DNM3: variants seen among roughly 807,000 people sequenced by gnomAD.
DNM3 encodes dynamin-3.
Under a neutral mutation model 101.6 loss-of-function variants are expected in DNM3, and 47 were observed. The observed-to-expected ratio is 0.46, with a 90% confidence interval of 0.37 to 0.59. DNM3 has a LOEUF of 0.59. DNM3 is among the 20% of genes least tolerant of loss of function. The pLI is 0.00. For synonymous variants in DNM3, 385 were observed against 387.9 expected (o/e 0.99, Z 0.09); for missense variants, 849 against 1,085.7 (o/e 0.78, Z 3.06).
chr1:171,890,974 A>G (rs983810258), intron 1 of DNM3, among the ~76,000 whole-genome samples: 1 of 152,216 alleles, frequency 6.6e-6, no homozygotes, highest in Non-Finnish European at 1.5e-5. Flanking sequence ...CAACTGGGAC[A>G]TAGTTTCTAA....
rs141335080 is a variant in DNM3, at chr1:172,294,214, G to T, written c.1770-14514G>T. Among the ~76,000 whole-genome samples the T allele has an allele frequency of 2.9e-3, 445 of 152,280 alleles. 5 individuals carry two copies. The highest frequency in any genetic ancestry group is 9.9e-3 in the African/African-American group (410 of 41,558). The stretch of plus-strand genomic sequence containing the variant: ...CCAACAATAAACTTTCATGCTTGGA[G>T]AATATATTTCTTTTAAATGTGTCCC... On this transcript the variant is annotated intron_variant, in intron 15 of 20. Transcript: ENST00000627582.
intron 14 of DNM3, among the ~76,000 whole-genome samples, chr1:172,225,064 A>G (rs977422826): frequency 3.3e-5 from 5 of 151,302 alleles, no homozygotes; most frequent in African/African-American, 7.3e-5. Context: ...CTGCCATGCA[A>G]TGCAGTATTC....
intron 20 of DNM3, among the ~76,000 whole-genome samples, chr1:172,392,177 G>A (rs1237569668): frequency 6.6e-6 from 1 of 152,178 alleles, no homozygotes; most frequent in East Asian, 1.9e-4. Flanking sequence ...GAGCCTTTCA[G>A]TTAGGGAGCT....
chr1:172,102,943 G>A (rs1267792467), intron 13 of DNM3, among the ~76,000 whole-genome samples: 1 of 152,008 alleles, frequency 6.6e-6, no homozygotes, highest in African/African-American at 2.4e-5. Flanking sequence ...CCACTGTATA[G>A]CTTATTTAGC....
intron 1 of DNM3, among the ~76,000 whole-genome samples, chr1:171,874,850 T>C (rs2035615392): frequency 6.6e-6 from 1 of 151,244 alleles, no homozygotes; most frequent in African/African-American, 2.4e-5. Context: ...TAGCCCCCAG[T>C]GGCTATTGTC....
chr1:171,909,183 G>A (rs1489723587), intron 1 of DNM3, among the ~76,000 whole-genome samples: 1 of 152,190 alleles, frequency 6.6e-6, no homozygotes, highest in Non-Finnish European at 1.5e-5. Flanking sequence ...GCTCACGCCT[G>A]TAATGTCAGC....
intron 1 of DNM3, among the ~76,000 whole-genome samples, chr1:171,877,524 G>A (rs2035891311): frequency 1.3e-5 from 2 of 152,052 alleles, no homozygotes; most frequent in Admixed American, 6.5e-5. Flanking sequence ...GTTTCACTTC[G>A]GCCTCCTTTC....
chr1:171,935,897 C>T (rs1034367685), intron 2 of DNM3, among the ~76,000 whole-genome samples: 2 of 141,310 alleles, frequency 1.4e-5, no homozygotes, highest in East Asian at 2.3e-4. Flanking sequence ...ATGTGTCAAA[C>T]TGAGAAAGCA....
chr1:171,993,365 A>G (rs2045765128), intron 4 of DNM3, among the ~76,000 whole-genome samples: 1 of 151,984 alleles, frequency 6.6e-6, no homozygotes, highest in South Asian at 2.1e-4. Context: ...ATTTTTACTT[A>G]AAGTTTTTTT....
At chr1:171,857,016 A>G (rs1487049221) in intron 1 of DNM3, among the ~76,000 whole-genome samples, 1 of 152,214 alleles carries the variant, frequency 6.6e-6, no homozygotes, top group Non-Finnish European at 1.5e-5. Context: ...TTTAGGGAAC[A>G]GAGAATTTTC....
rs1231952125 is a variant in DNM3, at chr1:171,845,547, CTG to C, written c.161+3732_161+3733del. ...CCGGCATGGCTGATAGAGCAAGACT[CTG>C]TCTCAAATAATAATAATAAACAAGA... On this transcript the variant is annotated intron_variant, in intron 1 of 20. Transcript: ENST00000627582. Among the ~76,000 whole-genome samples, 20 of 152,254 alleles carry C rather than the reference CTG, an allele frequency of 1.3e-4. No individual in the cohort carries two copies. In the East Asian group the frequency reaches 3.5e-3, roughly 26 times the overall value.
In DNM3 at chr1:172,057,865, G is replaced by A. The variant is rs1253893721; in HGVS notation, c.1335+9115G>A. ...AAAAATATTAACTTTAAATGTAAAT[G>A]GACTAAATGCTCCAATTAAAAGACA... On this transcript the variant is annotated intron_variant, in intron 10 of 20. Coordinates refer to ENST00000627582, the MANE Select transcript of DNM3 (RefSeq NM_015569.5). Among the ~76,000 whole-genome samples, 6 of 141,472 alleles carry A rather than the reference G, an allele frequency of 4.2e-5. No homozygotes were observed. In the East Asian group the frequency reaches 1.4e-3, roughly 33 times the overall value. The allele number at this position is 141,472 out of a possible 152,430, so 92.8% of individuals were successfully genotyped here.
chr1:172,318,264 A>AC (rs1221353911), intron 16 of DNM3, among the ~76,000 whole-genome samples: 1 of 152,052 alleles, frequency 6.6e-6, no homozygotes, highest in East Asian at 1.9e-4. Flanking sequence ...TCTATGACAA[A>AC]CCCACAGCCA....
At chr1:172,174,072 G>A (rs1253270676) in intron 14 of DNM3, among the ~76,000 whole-genome samples, 3 of 151,636 alleles carry the variant, frequency 2.0e-5, no homozygotes, top group African/African-American at 7.3e-5. Flanking sequence ...TGTCATAATA[G>A]TATGTTAATA....
chr1:171,863,499 A>G (rs957038062), intron 1 of DNM3, among the ~76,000 whole-genome samples: 4 of 152,210 alleles, frequency 2.6e-5, no homozygotes, highest in Non-Finnish European at 5.9e-5. Context: ...CAAAATATTT[A>G]TGAAATTTCC....
chr1:172,315,425 C>T (rs903971703), intron 16 of DNM3, among the ~76,000 whole-genome samples: 4 of 152,022 alleles, frequency 2.6e-5, no homozygotes, highest in African/African-American at 4.8e-5. Flanking sequence ...AGGCTGCAGA[C>T]GATCAAACTA....
At chr1:171,890,497 A>G (rs2037173313) in intron 1 of DNM3, among the ~76,000 whole-genome samples, 1 of 152,220 alleles carries the variant, frequency 6.6e-6, no homozygotes, top group African/African-American at 2.4e-5. Context: ...ACCATATTTC[A>G]AAGTTCTAAC....
At chr1:172,002,232 A>G (rs2046398733) in intron 4 of DNM3, among the ~76,000 whole-genome samples, 1 of 152,072 alleles carries the variant, frequency 6.6e-6, no homozygotes, top group African/African-American at 2.4e-5. Context: ...ATCAGTTAAT[A>G]TGTATGAAAA....
intron 14 of DNM3, among the ~76,000 whole-genome samples, chr1:172,234,225 C>A (rs1346709509): frequency 6.6e-6 from 1 of 152,120 alleles, no homozygotes; most frequent in Non-Finnish European, 1.5e-5. Context: ...GCAAAAATCA[C>A]AAGCATTCTT....
Sources: allele counts gnomAD v4.1 joint callset (sites outside exome capture counted in the v4.1 genomes callset), GRCh38; gene constraint gnomAD v4.1.1; transcripts MANE v1.5; gene names NCBI Gene and HGNC (gene_info 2026-07-23, HGNC 2026-07-21).